The following ZFAND2A variants were observed in gnomAD, a reference collection of about 807,000 sequenced individuals.
The protein encoded by ZFAND2A is zinc finger AN1-type containing 2A, also known as AN1-type zinc finger protein 2A.
ZFAND2A carries 20 observed loss-of-function variants against 11.6 expected under a neutral mutation model. The ratio of observed to expected loss-of-function variants is 1.72; its 90% confidence interval spans 1.21 to 2.50. The LOEUF is 2.50. Among genes scored for constraint, ZFAND2A ranks in the 30% most tolerant of loss-of-function variants. The pLI is 0.00. For missense variants in ZFAND2A, 234 were observed against 182.9 expected (o/e 1.28, Z -1.61); for synonymous variants, 93 against 60.6 (o/e 1.54, Z -2.48).
chr7:1,149,597 T>C (rs1028859127), downstream of ZFAND2A, among the ~76,000 whole-genome samples: 10 of 152,288 alleles, frequency 6.6e-5, no homozygotes, highest in South Asian at 2.1e-4. Flanking sequence ...GGTGATTGCA[T>C]TGTCGTGCAA....
chr7:1,151,509 G>A (rs1305093358), downstream of ZFAND2A, among the ~76,000 whole-genome samples: 2 of 152,096 alleles, frequency 1.3e-5, no homozygotes, highest in African/African-American at 2.4e-5. Context: ...CCAAAGTGCT[G>A]AGATTACAGG....
chr7:1,153,300 T>C (rs760967655), intron 4 of ZFAND2A, 76 bp from the exon 5 acceptor site: 17 of 1,524,984 alleles, frequency 1.1e-5, no homozygotes, highest in Non-Finnish European at 1.5e-5. Context: ...CAGGCTGGAG[T>C]GCAGTGGCTT....
At chr7:1,152,171 C>T (rs780739029), downstream of ZFAND2A, 51 of 1,488,632 alleles carry the variant, frequency 3.4e-5, no homozygotes, top group Admixed American at 4.2e-5. Context: ...TGTGCAGTTA[C>T]ACACAGCAAC....
downstream of ZFAND2A, chr7:1,152,138 A>G (rs1277603974): frequency 3.7e-6 from 5 of 1,353,154 alleles, no homozygotes; most frequent in Non-Finnish European, 4.9e-6. Context: ...ACGAAGTCGC[A>G]CCACTGGAGC....
At chr7:1,158,586 A>G (rs530357828) in intron 1 of ZFAND2A, among the ~76,000 whole-genome samples, 1 of 152,322 alleles carries the variant, frequency 6.6e-6, no homozygotes, top group African/African-American at 2.4e-5. Flanking sequence ...AATTTTATCC[A>G]TGGAATATAC....
intron 3 of ZFAND2A, among the ~76,000 whole-genome samples, chr7:1,156,178 C>G (rs1443293259): frequency 8.1e-6 from 1 of 123,024 alleles, no homozygotes; most frequent in East Asian, 2.4e-4. Context: ...AGCTGAAGGC[C>G]CAGCAAGGCT....
downstream of ZFAND2A, chr7:1,152,815 C>T: frequency 1.6e-6 from 1 of 618,828 alleles, no homozygotes; most frequent in Non-Finnish European, 2.9e-6. Context: ...CCTCCAGCCC[C>T]CAGAACTGTG....
chr7:1,156,769 G>A (rs1316058750), intron 3 of ZFAND2A, among the ~76,000 whole-genome samples: 2 of 152,258 alleles, frequency 1.3e-5, no homozygotes, highest in African/African-American at 4.8e-5. Flanking sequence ...CACAGGTGGT[G>A]GTGCTTCCTC....
intron 4 of ZFAND2A, among the ~76,000 whole-genome samples, chr7:1,154,276 T>G (rs1584025592): frequency 1.6e-5 from 2 of 128,212 alleles, no homozygotes; most frequent in Admixed American, 1.8e-4. Context: ...GTGAGGAGAG[T>G]GGGGAGGGTT....
In ZFAND2A at chr7:1,159,860, T is replaced by C. The variant is rs1483941833; in HGVS notation, c.-46+104A>G. 6.8e-5 allele frequency: 3 copies of C among 44,002 alleles called. 1 individual carries two copies. The highest frequency in any genetic ancestry group is 4.9e-4 in the South Asian group (2 of 4,052). The allele number at this position is 44,002 out of a possible 1,614,324, so 2.7% of individuals were successfully genotyped here. ...TGACCTCCAGCAAGCAGCCGGACTTTCAGCAGCCGCACTCCTAGCAGACAG... is the reference window on the plus strand; with the variant it reads ...TGACCTCCAGCAAGCAGCCGGACTTCCAGCAGCCGCACTCCTAGCAGACAG... On this transcript the variant is annotated intron_variant, in intron 1 of 4. Coordinates refer to ENST00000316495, the MANE Select transcript of ZFAND2A (RefSeq NM_182491.4).
chr7:1,155,256 C>T (rs1793494866), intron 4 of ZFAND2A, among the ~76,000 whole-genome samples, 197 bp downstream of exon 4: 2 of 152,114 alleles, frequency 1.3e-5, no homozygotes, highest in Non-Finnish European at 2.9e-5. Flanking sequence ...ACCTGGGATC[C>T]CTCATATTAA....
At chr7:1,156,992 A>G (rs1241027379) in intron 3 of ZFAND2A, 1 of 152,256 alleles carries the variant, frequency 6.6e-6, no homozygotes, top group Non-Finnish European at 1.5e-5. Context: ...TGGTCAAAGC[A>G]CAGAATGCTG....
chr7:1,155,194 T>G (rs1203454738), intron 4 of ZFAND2A, among the ~76,000 whole-genome samples: 3 of 152,030 alleles, frequency 2.0e-5, no homozygotes, highest in Non-Finnish European at 4.4e-5. Context: ...CCATGTGAAT[T>G]CTCCATCTCA....
At chr7:1,154,093 C>A (rs919072506) in intron 4 of ZFAND2A, among the ~76,000 whole-genome samples, 1 of 151,994 alleles carries the variant, frequency 6.6e-6, no homozygotes, top group Non-Finnish European at 1.5e-5. Context: ...GACAGGCAAG[C>A]CCCACAGAGG....
chr7:1,157,970 G>C (rs1362315124), intron 2 of ZFAND2A, among the ~76,000 whole-genome samples, 188 bp downstream of exon 2: 1 of 152,164 alleles, frequency 6.6e-6, no homozygotes, highest in African/African-American at 2.4e-5. Context: ...ACCTGGCCCT[G>C]CTAGCCAGCC....
chr7:1,155,637 CAGAA>C lies in ZFAND2A; in HGVS notation c.151-57_151-54del, dbSNP rs1268183590. ...CTGAGACTCATGCAACTTAAACTCA[CAGAA>C]GTTTTAAACGAGTACTCCTGTGCGG... On this transcript the variant is annotated intron_variant, in intron 3 of 4. Transcript: ENST00000316495. 3.8e-6 allele frequency: 6 copies of C among 1,594,690 alleles called. No homozygotes were observed. In the African/African-American group the frequency reaches 8.1e-5, roughly 22 times the overall value.
chr7:1,154,038 C>T (rs1793462596), intron 4 of ZFAND2A, among the ~76,000 whole-genome samples: 1 of 152,054 alleles, frequency 6.6e-6, no homozygotes. Context: ...CAGAGAGAGG[C>T]AGCCAGGAAG....
chr7:1,158,013 A>C, intron 2 of ZFAND2A, 145 bp downstream of exon 2: 1 of 860,698 alleles, frequency 1.2e-6, no homozygotes, highest in Non-Finnish European at 1.8e-6. Context: ...GGTGGATGCT[A>C]AGTGTCAAAC....
downstream of ZFAND2A, chr7:1,152,330 G>T: frequency 6.3e-7 from 1 of 1,575,992 alleles, no homozygotes; most frequent in Non-Finnish European, 8.6e-7. Context: ...TTCAGAGACT[G>T]TCATGGGTGA....
Sources: allele counts gnomAD v4.1 joint callset (sites outside exome capture counted in the v4.1 genomes callset), GRCh38; gene constraint gnomAD v4.1.1; transcripts MANE v1.5; gene names NCBI Gene and HGNC (gene_info 2026-07-23, HGNC 2026-07-21).